Variants in TEK observed in about 807,000 individuals in gnomAD.
The protein encoded by TEK is angiopoietin-1 receptor.
A neutral mutation model predicts 131.8 loss-of-function variants in TEK; 43 were observed. That is an observed-to-expected ratio of 0.33 (90% confidence interval 0.26 to 0.42). The LOEUF is 0.42. TEK is among the 10% of genes least tolerant of loss of function. The pLI is 1.00. For missense variants in TEK, 1,162 were observed against 1,384.4 expected (o/e 0.84, Z 2.55); for synonymous variants, 580 against 491.6 (o/e 1.18, Z -2.38).
chr9:27,177,070 C>T (rs998831476), intron 6 of TEK, among the ~76,000 whole-genome samples: 1 of 152,166 alleles, frequency 6.6e-6, no homozygotes, highest in Admixed American at 6.5e-5. Context: ...GTACACACCA[C>T]ATTTTCTTTA....
intron 21 of TEK, among the ~76,000 whole-genome samples, chr9:27,223,525 A>C (rs1014162482): frequency 7.9e-5 from 12 of 152,192 alleles, no homozygotes; most frequent in Admixed American, 3.3e-4. Flanking sequence ...CTACTGGGTA[A>C]ATAACGAAAT....
intron 10 of TEK, 106 bp downstream of exon 10, chr9:27,190,796 A>C: frequency 6.7e-7 from 1 of 1,486,876 alleles, no homozygotes; most frequent in East Asian, 2.3e-5. Flanking sequence ...CTCTACCTCA[A>C]GGTGGTGGCT....
Position 27,183,514 on chromosome 9 carries a change from C to T in TEK, c.1086C>T (p.Asn362=). The part of the protein sequence containing the change: ...IVDLPDHIEV[N]SGKFNPICKA... ...ATTTGCCAGATCATATAGAAGTAAA[C>T]AGTGGTAAATTTAATCCCATTTGCA... The change falls in exon 8 of 23, where the codon AAC becomes AAT. Residue 362 remains asparagine (N), a synonymous_variant. Coordinates refer to ENST00000380036, the MANE Select transcript of TEK (RefSeq NM_000459.5). The T allele has an allele frequency of 6.2e-7, 1 of 1,613,890 alleles. No homozygotes were observed. The highest frequency in any genetic ancestry group is 8.5e-7 in the Non-Finnish European group (1 of 1,179,862).
intron 6 of TEK, among the ~76,000 whole-genome samples, chr9:27,177,730 A>G (rs1043431789): frequency 6.6e-6 from 1 of 152,184 alleles, no homozygotes; most frequent in Non-Finnish European, 1.5e-5. Context: ...AGCCTGGGCA[A>G]CAAGAGTGAA....
chr9:27,112,224 A>C (rs1821373068), intron 1 of TEK, among the ~76,000 whole-genome samples: 1 of 152,052 alleles, frequency 6.6e-6, no homozygotes, highest in Admixed American at 6.6e-5. Flanking sequence ...TTAAATAACA[A>C]CTGGATTCAG....
At chr9:27,130,487 A>C (rs969474252) in intron 1 of TEK, among the ~76,000 whole-genome samples, 1 of 152,194 alleles carries the variant, frequency 6.6e-6, no homozygotes, top group Non-Finnish European at 1.5e-5. Flanking sequence ...TTTAAAACAC[A>C]ATAGAAGAAA....
chr9:27,218,120 G>A (rs887856859), intron 19 of TEK, among the ~76,000 whole-genome samples: 6 of 78,386 alleles, frequency 7.7e-5, no homozygotes, highest in African/African-American at 3.6e-4. Context: ...GACAAAATAA[G>A]GCCAGACAGT....
At chr9:27,218,161 G>C (rs1177163117) in intron 19 of TEK, among the ~76,000 whole-genome samples, 1 of 149,892 alleles carries the variant, frequency 6.7e-6, no homozygotes, top group Non-Finnish European at 1.5e-5. Flanking sequence ...GCAGCCTGCA[G>C]TGATGCATCA....
chr9:27,185,460 A>AT (rs1564083347), intron 8 of TEK, 25 bp from the exon 9 acceptor site: 4 of 1,613,226 alleles, frequency 2.5e-6, no homozygotes, highest in South Asian at 1.1e-5. Context: ...AGAAGTTTTT[A>AT]TTTTTTTGTA....
chr9:27,158,096 T>G lies in TEK; in HGVS notation c.318T>G (p.Val106=). 1.2e-6 allele frequency: 2 copies of G among 1,614,076 alleles called. No individual in the cohort carries two copies. The highest frequency in any genetic ancestry group is 1.7e-6 in the Non-Finnish European group (2 of 1,180,010). ...GTGCTTATTTCTGTGAAGGGCGAGT[T>G]CGAGGAGAGGCAATCAGGATACGAA... ...INGAYFCEGR[V]RGEAIRIRTM... Residue 106 remains valine, a synonymous_variant, in exon 2 of 23, where the codon GTT becomes GTG. Coordinates refer to ENST00000380036, the MANE Select transcript of TEK (RefSeq NM_000459.5).
At chr9:27,196,634 C>T (rs1426868152) in intron 11 of TEK, among the ~76,000 whole-genome samples, 1 of 152,010 alleles carries the variant, frequency 6.6e-6, no homozygotes, top group Non-Finnish European at 1.5e-5. Flanking sequence ...TTCTGCATGC[C>T]GTATAGGAAG....
chr9:27,119,671 C>T (rs1587477344), intron 1 of TEK, among the ~76,000 whole-genome samples: 1 of 152,138 alleles, frequency 6.6e-6, no homozygotes, highest in African/African-American at 2.4e-5. Flanking sequence ...ACATTGGGCT[C>T]CCAACCTTTT....
intron 12 of TEK, among the ~76,000 whole-genome samples, chr9:27,201,198 T>G (rs1825200690): frequency 6.6e-6 from 1 of 151,992 alleles, no homozygotes; most frequent in African/African-American, 2.4e-5. Flanking sequence ...AAATCAAAGG[T>G]TTATTGAGCT....
intron 1 of TEK, among the ~76,000 whole-genome samples, chr9:27,149,779 G>A (rs774545544): frequency 3.3e-5 from 5 of 152,136 alleles, no homozygotes; most frequent in Non-Finnish European, 5.9e-5. Flanking sequence ...GGGTATGTAC[G>A]TCTTTGAGCA....
chr9:27,161,051 G>C (rs1167240866), intron 2 of TEK, among the ~76,000 whole-genome samples: 3 of 152,206 alleles, frequency 2.0e-5, no homozygotes, highest in Admixed American at 2.0e-4. Context: ...TTGCTGTACT[G>C]TCCTGAGGTC....
At chr9:27,191,278 A>G (rs932689147) in intron 10 of TEK, among the ~76,000 whole-genome samples, 1 of 152,192 alleles carries the variant, frequency 6.6e-6, no homozygotes, top group African/African-American at 2.4e-5. Flanking sequence ...CCCCTCCCCT[A>G]ACTTCCTGAA....
intron 21 of TEK, among the ~76,000 whole-genome samples, chr9:27,227,474 T>C (rs1025318128): frequency 1.3e-5 from 2 of 152,196 alleles, no homozygotes; most frequent in Non-Finnish European, 2.9e-5. Context: ...TGGTGGCTTA[T>C]AAACAACAGA....
At chr9:27,226,528 G>A (rs1360942202) in intron 21 of TEK, among the ~76,000 whole-genome samples, 2 of 152,050 alleles carry the variant, frequency 1.3e-5, no homozygotes, top group Admixed American at 1.3e-4. Flanking sequence ...TGGAGTTTAA[G>A]GATGAGAACA....
At chr9:27,217,288 A>G (rs1825850714) in intron 18 of TEK, among the ~76,000 whole-genome samples, 1 of 152,144 alleles carries the variant, frequency 6.6e-6, no homozygotes, top group African/African-American at 2.4e-5. Context: ...CTCCAGGCGT[A>G]GTTGTTCTCT....
Sources: gnomAD v4.1 joint callset for allele counts (sites outside exome capture counted in the v4.1 genomes callset) on GRCh38, gnomAD v4.1.1 for gene constraint, MANE v1.5 for transcripts, NCBI Gene and HGNC (gene_info 2026-07-23, HGNC 2026-07-21) for gene names.